The following CACNA1A variants were observed in gnomAD, a reference collection of about 807,000 sequenced individuals.
CACNA1A encodes the protein voltage-dependent P/Q-type calcium channel subunit alpha-1A.
CACNA1A carries 57 observed loss-of-function variants against 262.4 expected under a neutral mutation model. The ratio of observed to expected loss-of-function variants is 0.22; its 90% CI spans 0.18 to 0.27. The LOEUF (loss-of-function observed/expected upper bound fraction) is 0.27, where lower values mean the gene tolerates loss of function less well. Ranked by LOEUF, CACNA1A falls within the 10% of genes least tolerant of loss-of-function variation. The pLI is 1.00. For missense variants in CACNA1A, 2,526 were observed against 3,562.8 expected (o/e 0.71, Z 7.41); for synonymous variants, 1,431 against 1,419.3 (o/e 1.01, Z -0.18).
intron 3 of CACNA1A, among the ~76,000 whole-genome samples, chr19:13,443,183 T>A (rs1449557397): frequency 6.6e-6 from 1 of 152,276 alleles, no homozygotes; most frequent in African/African-American, 2.4e-5. Flanking sequence ...AGAAATAAAT[T>A]GCTTTTTCTT....
chr19:13,212,052 C>T lies in CACNA1A; in HGVS notation c.6303+51G>A. 7.4e-7 allele frequency: 1 copy of T among 1,352,382 alleles called. No homozygotes were observed. 83.8% of individuals were successfully genotyped at this position (1,352,382 alleles called of 1,614,324 possible). On this transcript the variant is annotated intron_variant, in intron 43 of 46. Transcript: ENST00000360228. The surrounding 1 kb of genome is among the most constrained non-coding windows in gnomAD (Gnocchi z 5.6). ...CTGCTTGTGGGGGGGCCTGGCCCTA[C>T]CCAGTGCAGAGTGAGGGGTCCAGCC...
Position 13,387,211 on chromosome 19 carries a change from C to T in CACNA1A, c.540-15432G>A, listed in dbSNP as rs544942484. Reference sequence around the variant, plus strand: ...GGTGATCCACCCCACCCGTCTTGGCCTCCCAAAGTGCTGGGATTACAGGCA... The same window carrying T: ...GGTGATCCACCCCACCCGTCTTGGCTTCCCAAAGTGCTGGGATTACAGGCA... On this transcript the variant is annotated intron_variant, in intron 3 of 46. Coordinates refer to ENST00000360228, the MANE Select transcript of CACNA1A (RefSeq NM_001127222.2). 1.1e-4 allele frequency among the ~76,000 whole-genome samples: 17 copies of T among 152,296 alleles called. 1 individual carries two copies. Among genetic ancestry groups the T allele is most frequent in the African/African-American group, 2.9e-4 (12 of 41,562 alleles).
At chr19:13,254,699 T>G (rs981372969) in intron 29 of CACNA1A, among the ~76,000 whole-genome samples, 1 of 152,284 alleles carries the variant, frequency 6.6e-6, no homozygotes, top group East Asian at 1.9e-4. Flanking sequence ...AGAGAGCTTC[T>G]TGTTCCGTCT....
chr19:13,301,816 C>G (rs907214426), intron 17 of CACNA1A, among the ~76,000 whole-genome samples: 4 of 152,298 alleles, frequency 2.6e-5, no homozygotes, highest in East Asian at 3.9e-4. Context: ...TGGAAATGGT[C>G]AGATCAGGAC....
At chr19:13,256,376 G>C (rs1347770706) in intron 28 of CACNA1A, 1 of 152,196 alleles carries the variant, frequency 6.6e-6, no homozygotes, top group Non-Finnish European at 1.5e-5. Context: ...TGGTTATTAA[G>C]TCTTAAGGGT....
In CACNA1A at chr19:13,212,411, G is replaced by T. The variant is rs774164327; in HGVS notation, c.6162C>A (p.Asp2054Glu). Reference protein sequence around the residue: ...TWSPEQGPPTDMPNSQPNSQS... With the variant: ...TWSPEQGPPTEMPNSQPNSQS... The stretch of plus-strand genomic sequence containing the variant: ...GAGAGTTAGGCTGGCTGTTGGGCAT[G>T]TCGGTAGGGGGGCCTTGTTCCGGAC... The change falls in exon 42 of 47, where the codon GAC becomes GAA. Residue 2054 changes from aspartate to glutamate, a missense_variant. Physicochemically the swap from Asp to Glu is conservative, Grantham distance 45. Coordinates refer to ENST00000360228, the MANE Select transcript of CACNA1A (RefSeq NM_001127222.2). The surrounding 1 kb of genome is among the most constrained non-coding windows in gnomAD (Gnocchi z 5.6). The T allele has an allele frequency of 6.2e-6, 10 of 1,613,454 alleles. No homozygotes were observed. Among genetic ancestry groups the T allele is most frequent in the Non-Finnish European group, 8.5e-6 (10 of 1,179,738 alleles).
chr19:13,303,492 C>T (rs1310763991), intron 17 of CACNA1A, 54 bp downstream of exon 17: 1 of 468,816 alleles, frequency 2.1e-6, no homozygotes, highest in Non-Finnish European at 3.9e-6. Context: ...CCGTCCTGAT[C>T]TGCCATGGGC....
At chr19:13,245,310 G>C (rs1292706452) in intron 30 of CACNA1A, 45 bp from the exon 31 acceptor site, 3 of 1,531,128 alleles carry the variant, frequency 2.0e-6, no homozygotes, top group Admixed American at 1.7e-5. Context: ...AGAGGGCTTG[G>C]TTCCCGGCCC....
intron 17 of CACNA1A, 104 bp from the exon 18 acceptor site, chr19:13,300,760 C>A: frequency 1.1e-6 from 1 of 893,080 alleles, no homozygotes; most frequent in Non-Finnish European, 1.9e-6. Flanking sequence ...ATATTTCGAC[C>A]AATCAGAACC....
rs1255361593 is a variant in CACNA1A at position 13,277,055 on chromosome 19, T to C, written c.3882+14A>G. ...AAAAATTACCGTGTGTTCTCACTTA[T>C]AATCTGCACTCACCTTGATCACCAT... On this transcript the variant is annotated intron_variant, in intron 23 of 46. Transcript: ENST00000360228. 1 of 1,593,404 alleles carries C rather than the reference T, an allele frequency of 6.3e-7. No individual in the cohort carries two copies. Among genetic ancestry groups the C allele is most frequent in the East Asian group, 2.2e-5 (1 of 44,774 alleles).
intron 1 of CACNA1A, among the ~76,000 whole-genome samples, chr19:13,503,247 T>C (rs2145180795): frequency 6.6e-6 from 1 of 152,140 alleles, no homozygotes; most frequent in East Asian, 1.9e-4. Context: ...AAAATGAACC[T>C]TAGAAGTCAG....
chr19:13,482,848 T>TTG (rs34754803), intron 1 of CACNA1A, among the ~76,000 whole-genome samples: 9,365 of 133,874 alleles, frequency 0.07, 330 homozygotes, highest in Non-Finnish European at 0.074. Flanking sequence ...TTCTCTCAAC[T>TTG]TGTGTGTGTG....
chr19:13,365,247 G>T, intron 5 of CACNA1A, 70 bp downstream of exon 5: 1 of 1,402,256 alleles, frequency 7.1e-7, no homozygotes, highest in Non-Finnish European at 9.9e-7. Context: ...GCACACCCCT[G>T]CCTAATCCTC....
intron 30 of CACNA1A, among the ~76,000 whole-genome samples, chr19:13,250,878 T>A (rs528831935): frequency 3.3e-5 from 5 of 152,130 alleles, no homozygotes; most frequent in Non-Finnish European, 7.4e-5. Flanking sequence ...ATGCCTGTAA[T>A]CCCAGCATTT....
rs563204517 is a variant in CACNA1A at position 13,464,770 on chromosome 19, G to A, written c.294-9558C>T. Reference sequence around the variant, plus strand: ...TCACCGTGTTAGCCAGGGTGGTCTCGATCTCCTGACCTTGTGATCTGCCCA... The same window carrying A: ...TCACCGTGTTAGCCAGGGTGGTCTCAATCTCCTGACCTTGTGATCTGCCCA... On this transcript the variant is annotated intron_variant, in intron 1 of 46. Transcript: ENST00000360228. 1.9e-3 allele frequency among the ~76,000 whole-genome samples: 285 copies of A among 151,662 alleles called. 1 individual carries two copies. The highest frequency in any genetic ancestry group is 3.1e-3 in the African/African-American group (130 of 41,338).
At chr19:13,369,517 T>C (rs1361187036) in intron 4 of CACNA1A, among the ~76,000 whole-genome samples, 1 of 152,216 alleles carries the variant, frequency 6.6e-6, no homozygotes, top group Non-Finnish European at 1.5e-5. Context: ...ATCCACTTAC[T>C]AGTGAATTCC....
chr19:13,428,457 T>C (rs1452753359), intron 3 of CACNA1A, among the ~76,000 whole-genome samples: 3 of 152,206 alleles, frequency 2.0e-5, no homozygotes, highest in Non-Finnish European at 4.4e-5. Context: ...AATTTTGGAA[T>C]GAATGAAGTA....
At chr19:13,287,936 A>G (rs971709952) in intron 19 of CACNA1A, among the ~76,000 whole-genome samples, 5 of 151,256 alleles carry the variant, frequency 3.3e-5, no homozygotes, top group Non-Finnish European at 7.4e-5. Flanking sequence ...CAGGTAGCTG[A>G]GGCTACAGGC....
intron 3 of CACNA1A, among the ~76,000 whole-genome samples, chr19:13,443,958 C>T (rs1052839789): frequency 1.5e-4 from 23 of 152,134 alleles, no homozygotes; most frequent in African/African-American, 5.3e-4. Context: ...AATGTAGTCC[C>T]TGGCACATAG....
Sources: allele counts gnomAD v4.1 joint callset (sites outside exome capture counted in the v4.1 genomes callset), GRCh38; gene constraint gnomAD v4.1.1; non-coding constraint Gnocchi (gnomAD v3.1); transcripts MANE v1.5; gene names NCBI Gene and HGNC (gene_info 2026-07-23, HGNC 2026-07-21).